Variants in ATP8A2 observed in about 807,000 individuals in gnomAD.
ATP8A2 encodes the protein ATPase phospholipid transporting 8A2, also known as phospholipid-transporting ATPase IB.
A neutral mutation model predicts 165.6 loss-of-function variants in ATP8A2; 100 were observed. The ratio of observed to expected loss-of-function variants is 0.60; its 90% CI spans 0.51 to 0.71. ATP8A2 has a LOEUF of 0.71. ATP8A2 is among the 30% of genes least tolerant of loss of function. The probability of loss-of-function intolerance (pLI) is 0.00; values close to 1 mark genes in which losing one functional copy is unlikely to be tolerated. For synonymous variants in ATP8A2, 543 were observed against 548.8 expected (o/e 0.99, Z 0.15); for missense variants, 1,227 against 1,479.5 (o/e 0.83, Z 2.80).
intron 24 of ATP8A2, among the ~76,000 whole-genome samples, chr13:25,644,404 G>A (rs1479960760): frequency 6.6e-6 from 1 of 152,070 alleles, no homozygotes; most frequent in East Asian, 1.9e-4. Context: ...GCATCCCAGG[G>A]ATAAATGCCA....
At chr13:25,528,674 A>T (rs906480920) in intron 2 of ATP8A2, among the ~76,000 whole-genome samples, 9 of 151,958 alleles carry the variant, frequency 5.9e-5, no homozygotes, top group African/African-American at 2.2e-4. Context: ...TTTTTTATTT[A>T]TTATACTTTA....
intron 33 of ATP8A2, among the ~76,000 whole-genome samples, chr13:25,886,042 T>G (rs1441068462): frequency 6.6e-6 from 1 of 152,204 alleles, no homozygotes; most frequent in Non-Finnish European, 1.5e-5. Context: ...GAGGCAGATG[T>G]TGTACTTCTG....
At chr13:25,498,998 T>C (rs1183424006) in intron 2 of ATP8A2, among the ~76,000 whole-genome samples, 1 of 152,192 alleles carries the variant, frequency 6.6e-6, no homozygotes, top group Non-Finnish European at 1.5e-5. Flanking sequence ...TAGGAGGAAA[T>C]GGACACTTCG....
At position 25,837,267 on chromosome 13, in the gene ATP8A2, C is replaced by T. The variant is rs756930305; in HGVS notation, c.2859C>T (p.Gly953=). ...AGCTCTACAAAATCACCCAGAATGG[C>T]GAAGGCTTCAACACAAAGGTAAACA... is the stretch of plus-strand genomic sequence containing the variant. The part of the protein sequence containing the change: ...FPQLYKITQN[G]EGFNTKVFWG... The change falls in exon 29 of 37, where the codon GGC becomes GGT. Residue 953 remains glycine (G), a synonymous_variant. Coordinates refer to ENST00000381655, the MANE Select transcript of ATP8A2 (RefSeq NM_016529.6). The T allele has an allele frequency of 5.2e-5, 84 of 1,613,926 alleles. No homozygotes were observed. Among genetic ancestry groups the T allele is most frequent in the Non-Finnish European group, 6.9e-5 (81 of 1,179,964 alleles).
At chr13:25,491,554 T>G (rs2036528847) in intron 2 of ATP8A2, among the ~76,000 whole-genome samples, 2 of 152,178 alleles carry the variant, frequency 1.3e-5, no homozygotes, top group South Asian at 4.1e-4. Context: ...AGCTATGAAA[T>G]AGTGACAGTA....
chr13:25,872,057 C>T (rs189619196), intron 33 of ATP8A2, among the ~76,000 whole-genome samples: 3 of 129,144 alleles, frequency 2.3e-5, no homozygotes, highest in African/African-American at 5.8e-5. Context: ...CTCACCCCCC[C>T]GCCCTCTTTC....
intron 35 of ATP8A2, among the ~76,000 whole-genome samples, chr13:25,989,282 G>GT (rs1430641583): frequency 2.6e-5 from 4 of 152,018 alleles, no homozygotes; most frequent in African/African-American, 9.7e-5. Context: ...TATGGGGAAG[G>GT]TTATTTTTAT....
intron 1 of ATP8A2, among the ~76,000 whole-genome samples, chr13:25,454,653 G>C (rs1287954777): frequency 6.6e-6 from 1 of 152,172 alleles, no homozygotes; most frequent in Non-Finnish European, 1.5e-5. Context: ...GCCGGGCGCG[G>C]TGGCTCACGC....
intron 27 of ATP8A2, among the ~76,000 whole-genome samples, chr13:25,824,419 T>C (rs1951260504): frequency 6.6e-6 from 1 of 152,242 alleles, no homozygotes; most frequent in Non-Finnish European, 1.5e-5. Context: ...TTAGCTCTCT[T>C]AGTCTCACCA....
rs1327133510 is a variant in ATP8A2, at chr13:25,391,917, A to G, written c.76+19629A>G. ...TGAAAAAAATGATTTGGAAAATGCC[A>G]ACAGGCATCTATCACACTTTGATAT... On this transcript the variant is annotated intron_variant, in intron 1 of 36. Transcript: ENST00000381655. 2.6e-5 allele frequency among the ~76,000 whole-genome samples: 4 copies of G among 152,264 alleles called. No homozygotes were observed. In the East Asian group the frequency reaches 7.7e-4, roughly 29 times the overall value.
intron 24 of ATP8A2, among the ~76,000 whole-genome samples, chr13:25,600,223 T>C (rs552011385): frequency 1.3e-5 from 2 of 152,306 alleles, no homozygotes; most frequent in Admixed American, 1.3e-4. Context: ...AAAGAAGTGA[T>C]TGTCAAGGGA....
At chr13:25,594,924 G>T (rs1333207378) in intron 24 of ATP8A2, among the ~76,000 whole-genome samples, 1 of 150,794 alleles carries the variant, frequency 6.6e-6, no homozygotes, top group Non-Finnish European at 1.5e-5. Context: ...CAAAAACCTG[G>T]AACCAACCCA....
intron 24 of ATP8A2, among the ~76,000 whole-genome samples, chr13:25,646,552 A>T (rs567697554): frequency 6.7e-6 from 1 of 148,864 alleles, no homozygotes; most frequent in Non-Finnish European, 1.5e-5. Flanking sequence ...GCTGCTTGGG[A>T]GGCTGAGGTA....
At chr13:25,713,526 G>A (rs951246235) in intron 25 of ATP8A2, among the ~76,000 whole-genome samples, 2 of 152,112 alleles carry the variant, frequency 1.3e-5, no homozygotes, top group Non-Finnish European at 2.9e-5. Context: ...GCCTTGTACC[G>A]AGATTCTCAG....
At chr13:25,539,641 A>G (rs2038406953) in intron 7 of ATP8A2, among the ~76,000 whole-genome samples, 1 of 152,214 alleles carries the variant, frequency 6.6e-6, no homozygotes, top group South Asian at 2.1e-4. Flanking sequence ...CCATAAAGGT[A>G]GTGCTAGGGG....
Position 25,993,634 on chromosome 13 carries a change from T to C in ATP8A2, c.3378-18897T>C, listed in dbSNP as rs955033640. Among the ~76,000 whole-genome samples the C allele has an allele frequency of 2.5e-4, 38 of 152,220 alleles. 1 individual carries two copies. Among genetic ancestry groups the C allele is most frequent in the Admixed American group, 2.3e-3 (35 of 15,278 alleles). On this transcript the variant is annotated intron_variant, in intron 35 of 36. Transcript: ENST00000381655. ...CTTCCACTGAATTGCTTTTGCACCT[T>C]TGTCAAAAATCAGATGGGTATGTTT...
rs147871828 is a variant in ATP8A2, at chr13:25,636,097, G to A, written c.2211+46398G>A. ...GATGGAAGTCCACAGTGAAGGCCGT[G>A]GGAGTTGGTGAGAAAGAGGTAGAAG... On this transcript the variant is annotated intron_variant, in intron 24 of 36. Transcript: ENST00000381655. Among the ~76,000 whole-genome samples, 111 of 152,272 alleles carry A rather than the reference G, an allele frequency of 7.3e-4. 1 individual carries two copies. The highest frequency in any genetic ancestry group is 2.4e-3 in the African/African-American group (100 of 41,540).
chr13:25,485,242 G>A (rs2036315137), intron 2 of ATP8A2, among the ~76,000 whole-genome samples: 1 of 152,194 alleles, frequency 6.6e-6, no homozygotes, highest in African/African-American at 2.4e-5. Flanking sequence ...CACTGTATAA[G>A]ATTAGACATA....
At chr13:25,932,776 C>T (rs532153379) in intron 33 of ATP8A2, among the ~76,000 whole-genome samples, 2 of 152,314 alleles carry the variant, frequency 1.3e-5, no homozygotes, top group South Asian at 2.1e-4. Context: ...ATAGTTAATG[C>T]CCCCCAAATT....
Sources: allele counts gnomAD v4.1 joint callset (sites outside exome capture counted in the v4.1 genomes callset), GRCh38; gene constraint gnomAD v4.1.1; transcripts MANE v1.5; gene names NCBI Gene and HGNC (gene_info 2026-07-23, HGNC 2026-07-21).